FBXO16: variants seen among roughly 807,000 people sequenced by gnomAD.
FBXO16 encodes F-box protein 16.
In FBXO16, 31 loss-of-function variants were observed where a neutral mutation model predicts 41.0. The observed-to-expected ratio is 0.76, with a 90% CI of 0.57 to 1.02. The LOEUF (loss-of-function observed/expected upper bound fraction) is 1.02, where lower values mean the gene tolerates loss of function less well. FBXO16 is among the 50% of genes least tolerant of loss of function. The probability of loss-of-function intolerance (pLI) is 0.00; values close to 1 mark genes in which losing one functional copy is unlikely to be tolerated. For missense variants in FBXO16, 361 were observed against 346.2 expected, an observed-to-expected ratio of 1.04 and a Z score of -0.34; for synonymous variants, 133 against 117.8, an observed-to-expected ratio of 1.13 and a Z score of -0.84.
intron 4 of FBXO16, among the ~76,000 whole-genome samples, chr8:28,462,393 C>T (rs1049287132): frequency 6.6e-6 from 1 of 151,690 alleles, no homozygotes; most frequent in Non-Finnish European, 1.5e-5. Context: ...ATTCTCCTGC[C>T]TCAGCCTCCC....
chr8:28,489,741 T>G (rs1028710754), intron 1 of FBXO16, among the ~76,000 whole-genome samples: 1 of 150,598 alleles, frequency 6.6e-6, no homozygotes, highest in African/African-American at 2.4e-5. Context: ...CCTTGTAGAA[T>G]TGTAGAAATG....
At chr8:28,435,590 G>C (rs73574614) in intron 7 of FBXO16, among the ~76,000 whole-genome samples, 10,445 of 152,142 alleles carry the variant, frequency 0.069, 1,225 homozygotes, top group African/African-American at 0.24. Flanking sequence ...ACGTGGCTGG[G>C]TCAGGGCTTT....
At chr8:28,454,982 G>C (rs1192911890) in intron 5 of FBXO16, among the ~76,000 whole-genome samples, 1 of 149,002 alleles carries the variant, frequency 6.7e-6, no homozygotes, top group East Asian at 1.9e-4. Flanking sequence ...AATATGGAAT[G>C]CTTCATGAAT....
intron 4 of FBXO16, among the ~76,000 whole-genome samples, chr8:28,463,256 T>C (rs1398888153): frequency 1.3e-5 from 2 of 151,220 alleles, no homozygotes; most frequent in Non-Finnish European, 3.0e-5. Flanking sequence ...GTTTGTGTGT[T>C]TGTGCGTGTA....
At chr8:28,460,036 C>G (rs1435389371) in intron 4 of FBXO16, among the ~76,000 whole-genome samples, 1 of 151,480 alleles carries the variant, frequency 6.6e-6, no homozygotes, top group Non-Finnish European at 1.5e-5. Context: ...AAAAAACAAA[C>G]AAACAAAAAA....
chr8:28,480,664 CAGCTAATTTTTAT>C lies in FBXO16; in HGVS notation c.99+2671_99+2683del, dbSNP rs1297101381. ...GACTACAGGGGTGCATCACCATGCC[CAGCTAATTTTTAT>C]ATTTTTTAGTAGAGATGGGGTTTTA... On this transcript the variant is annotated intron_variant, in intron 2 of 8. Coordinates refer to ENST00000380254, the MANE Select transcript of FBXO16 (RefSeq NM_172366.4). 9.9e-5 allele frequency among the ~76,000 whole-genome samples: 15 copies of C among 152,056 alleles called. No individual in the cohort carries two copies. In the East Asian group the frequency reaches 1.7e-3, roughly 18 times the overall value.
chr8:28,447,161 C>A lies in FBXO16; in HGVS notation c.843+10G>T. ...GTTATGGTGATGAATCTTTCATAAA[C>A]AATACTTACCATTGATTGTGCTTTT... On this transcript the variant is annotated intron_variant, in intron 7 of 8. Coordinates refer to ENST00000380254, the MANE Select transcript of FBXO16 (RefSeq NM_172366.4). 6.2e-7 allele frequency: 1 copy of A among 1,604,220 alleles called. No homozygotes were observed. The highest frequency in any genetic ancestry group is 8.5e-7 in the Non-Finnish European group (1 of 1,173,714).
chr8:28,460,875 T>C (rs1411527151), intron 4 of FBXO16, among the ~76,000 whole-genome samples: 1 of 151,960 alleles, frequency 6.6e-6, no homozygotes, highest in Admixed American at 6.6e-5. Flanking sequence ...GTTGGGACTA[T>C]GGGCACGTGC....
intron 1 of FBXO16, among the ~76,000 whole-genome samples, chr8:28,484,716 C>A (rs1326418080): frequency 6.6e-6 from 1 of 152,168 alleles, no homozygotes; most frequent in East Asian, 1.9e-4. Context: ...CTCAGCCTCC[C>A]GGGTAGCTGG....
At chr8:28,437,333 G>A (rs1311207406) in intron 7 of FBXO16, among the ~76,000 whole-genome samples, 1 of 152,164 alleles carries the variant, frequency 6.6e-6, no homozygotes, top group Admixed American at 6.5e-5. Context: ...GAGGCAACAA[G>A]ACACAACAAG....
At chr8:28,459,576 A>G (rs1035896731) in intron 4 of FBXO16, among the ~76,000 whole-genome samples, 4 of 149,312 alleles carry the variant, frequency 2.7e-5, no homozygotes, top group African/African-American at 9.8e-5. Context: ...GCCGAGATCG[A>G]GCCATTGCAC....
At chr8:28,441,946 ATT>A (rs1216726136) in intron 7 of FBXO16, among the ~76,000 whole-genome samples, 2,519 of 72,936 alleles carry the variant, frequency 0.035, 61 homozygotes, top group African/African-American at 0.13. Flanking sequence ...GTGTGTGTGT[ATT>A]TTTTTTTTTT....
At chr8:28,488,439 G>A (rs1291209148) in intron 1 of FBXO16, among the ~76,000 whole-genome samples, 1 of 150,998 alleles carries the variant, frequency 6.6e-6, no homozygotes. Context: ...GAGAATATAG[G>A]TGTGCACCAC....
intron 6 of FBXO16, among the ~76,000 whole-genome samples, chr8:28,449,315 CTT>C (rs59021779): frequency 0.26 from 24,668 of 93,838 alleles, 1,968 homozygotes; most frequent in East Asian, 0.42. Context: ...ATGTAGACTT[CTT>C]TTTTTTTTTT....
At chr8:28,467,754 C>T (rs117988438) in intron 3 of FBXO16, among the ~76,000 whole-genome samples, 1,684 of 152,276 alleles carry the variant, frequency 0.011, 20 homozygotes, top group Non-Finnish European at 0.019. Flanking sequence ...ATTAGTATTA[C>T]ACAATACTGA....
intron 6 of FBXO16, chr8:28,447,666 G>A (rs1486103272): frequency 1.2e-5 from 2 of 161,794 alleles, no homozygotes; most frequent in Non-Finnish European, 2.7e-5. Flanking sequence ...AAAATGGAAG[G>A]AGTATGGCCA....
At chr8:28,482,786 C>T (rs1049955075) in intron 2 of FBXO16, among the ~76,000 whole-genome samples, 1 of 151,608 alleles carries the variant, frequency 6.6e-6, no homozygotes, top group Admixed American at 6.6e-5. Context: ...ACCATGTTAA[C>T]CAGGCTGGTC....
chr8:28,432,736 TCC>T, intron 7 of FBXO16, among the ~76,000 whole-genome samples: 1 of 152,158 alleles, frequency 6.6e-6, no homozygotes, highest in Non-Finnish European at 1.5e-5. Flanking sequence ...CCATCAGCAT[TCC>T]TAGTGCTGCC....
In FBXO16 at chr8:28,484,050, A is replaced by G. The variant is rs143365884; in HGVS notation, c.-16-588T>C. On this transcript the variant is annotated intron_variant, in intron 1 of 8. Coordinates refer to ENST00000380254, the MANE Select transcript of FBXO16 (RefSeq NM_172366.4). ...TTGATGTTACCCTGTCCAAGGTCAT[A>G]CAGATAGCAAGTGGTGTAACTGGTA... is the stretch of plus-strand genomic sequence containing the variant. 7.2e-5 allele frequency among the ~76,000 whole-genome samples: 11 copies of G among 152,308 alleles called. 1 individual carries two copies. The East Asian group carries it at 1.9e-3, about 27-fold the overall frequency.
Sources: gnomAD v4.1 joint callset for allele counts (sites outside exome capture counted in the v4.1 genomes callset) on GRCh38, gnomAD v4.1.1 for gene constraint, MANE v1.5 for transcripts, NCBI Gene and HGNC (gene_info 2026-07-23, HGNC 2026-07-21) for gene names.